NRXN3: variants seen among roughly 807,000 people sequenced by gnomAD.
NRXN3 encodes neurexin 3.
Under a neutral mutation model 137.6 loss-of-function variants are expected in NRXN3, and 32 were observed. The ratio of observed to expected loss-of-function variants is 0.23; its 90% confidence interval spans 0.18 to 0.31. The LOEUF is 0.31. Ranked by LOEUF, NRXN3 falls within the 10% of genes least tolerant of loss-of-function variation. The probability of loss-of-function intolerance (pLI) is 1.00; values close to 1 mark genes in which losing one functional copy is unlikely to be tolerated. For missense variants in NRXN3, 1,574 were observed against 2,062.5 expected (o/e 0.76, Z 4.59); for synonymous variants, 798 against 784.5 (o/e 1.02, Z -0.29).
intron 1 of NRXN3, among the ~76,000 whole-genome samples, chr14:78,190,105 T>C (rs952779727): frequency 4.6e-5 from 7 of 152,330 alleles, no homozygotes; most frequent in Admixed American, 3.3e-4. Context: ...GAGCACTCAG[T>C]GAACACCTGC....
intron 19 of NRXN3, among the ~76,000 whole-genome samples, chr14:79,714,208 A>G (rs1223411783): frequency 5.3e-5 from 8 of 152,218 alleles, no homozygotes; most frequent in Admixed American, 5.2e-4. Flanking sequence ...AGAACTTGCT[A>G]TCAGTACACA....
At chr14:79,814,134 T>C (rs10220395) in intron 20 of NRXN3, among the ~76,000 whole-genome samples, 2,154 of 152,340 alleles carry the variant, frequency 0.014, 39 homozygotes, top group African/African-American at 0.05. Flanking sequence ...TTTGTAGTTA[T>C]AATTTCATGG....
At chr14:79,433,807 C>T (rs544222388) in intron 15 of NRXN3, among the ~76,000 whole-genome samples, 7 of 152,246 alleles carry the variant, frequency 4.6e-5, no homozygotes, top group South Asian at 2.1e-4. Flanking sequence ...AACTTTATTC[C>T]GTGCAACACA....
At chr14:78,417,908 C>T (rs2093234827) in intron 4 of NRXN3, among the ~76,000 whole-genome samples, 1 of 152,176 alleles carries the variant, frequency 6.6e-6, no homozygotes, top group African/African-American at 2.4e-5. Context: ...AGGTGCATGC[C>T]ACCACGCCCA....
intron 7 of NRXN3, among the ~76,000 whole-genome samples, chr14:78,712,725 G>A (rs1389593247): frequency 6.6e-6 from 1 of 152,080 alleles, no homozygotes; most frequent in Non-Finnish European, 1.5e-5. Context: ...ACCACACCTG[G>A]CTAATTTTTG....
chr14:78,419,953 G>GCACA (rs111721809), intron 4 of NRXN3, among the ~76,000 whole-genome samples: 476 of 33,852 alleles, frequency 0.014, 3 homozygotes, highest in South Asian at 0.032. Flanking sequence ...GTGCGCGCGC[G>GCACA]CGCGCACGCA....
At chr14:79,728,496 CTTT>C (rs1451183531) in intron 19 of NRXN3, among the ~76,000 whole-genome samples, 1 of 152,192 alleles carries the variant, frequency 6.6e-6, no homozygotes, top group African/African-American at 2.4e-5. Context: ...CAGGGCAACC[CTTT>C]ATGCAAGCAG....
At position 79,692,279 on chromosome 14, in the gene NRXN3, C is replaced by T; in HGVS notation, c.3706+17C>T. On this transcript the variant is annotated intron_variant, in intron 18 of 20. Coordinates refer to ENST00000335750, the MANE Select transcript of NRXN3 (RefSeq NM_001330195.2). ...AGGAAAAAGGTAACCGTCATTAAAA[C>T]TTTCATTTTAAAATCATTTGATCCT... The T allele has an allele frequency of 6.4e-7, 1 of 1,567,766 alleles. No homozygotes were observed. The highest frequency in any genetic ancestry group is 1.8e-5 in the Admixed American group (1 of 56,778).
chr14:78,724,890 A>T (rs1273818226), intron 8 of NRXN3, among the ~76,000 whole-genome samples: 1 of 152,222 alleles, frequency 6.6e-6, no homozygotes, highest in Non-Finnish European at 1.5e-5. Flanking sequence ...TGACAAGTAC[A>T]TCTGGAACTT....
intron 4 of NRXN3, among the ~76,000 whole-genome samples, chr14:78,374,706 G>A (rs1259264672): frequency 6.7e-6 from 1 of 149,996 alleles, no homozygotes; most frequent in African/African-American, 2.5e-5. Context: ...GGAGCCGGAG[G>A]TAGCAGTGAG....
chr14:78,175,830 C>T (rs899552237), intron 1 of NRXN3, among the ~76,000 whole-genome samples: 2 of 152,316 alleles, frequency 1.3e-5, no homozygotes, highest in East Asian at 3.9e-4. Context: ...ACCCCAACCT[C>T]CTGGCTGCTT....
At chr14:78,383,593 A>T (rs925409416) in intron 4 of NRXN3, among the ~76,000 whole-genome samples, 1 of 152,238 alleles carries the variant, frequency 6.6e-6, no homozygotes, top group Non-Finnish European at 1.5e-5. Flanking sequence ...TAGGCATATC[A>T]TCTACTGTAC....
chr14:78,513,950 T>C (rs2096158574), intron 4 of NRXN3, among the ~76,000 whole-genome samples: 1 of 152,142 alleles, frequency 6.6e-6, no homozygotes, highest in African/African-American at 2.4e-5. Context: ...TTAAGGCATG[T>C]TGTGTTCTGG....
intron 8 of NRXN3, among the ~76,000 whole-genome samples, chr14:78,757,532 G>T (rs2098674626): frequency 6.6e-6 from 1 of 152,144 alleles, no homozygotes; most frequent in African/African-American, 2.4e-5. Context: ...TGTCTTCAAG[G>T]TATGGAGTCT....
At chr14:79,133,396 G>A (rs1421307319) in intron 15 of NRXN3, among the ~76,000 whole-genome samples, 1 of 152,014 alleles carries the variant, frequency 6.6e-6, no homozygotes, top group Non-Finnish European at 1.5e-5. Flanking sequence ...CGTAATTGGA[G>A]ACCAGATTCA....
At chr14:79,692,684 CAAAAAACAAACA>C (rs958368910) in intron 18 of NRXN3, among the ~76,000 whole-genome samples, 3 of 151,572 alleles carry the variant, frequency 2.0e-5, no homozygotes, top group East Asian at 1.9e-4. Flanking sequence ...CTTAACAAAA[CAAAAAACAAACA>C]AAAAAACAAA....
intron 4 of NRXN3, among the ~76,000 whole-genome samples, chr14:78,390,614 C>T (rs540258301): frequency 1.4e-4 from 22 of 152,208 alleles, no homozygotes; most frequent in African/African-American, 5.1e-4. Flanking sequence ...TTTATATTGC[C>T]GTATTGACAA....
chr14:78,978,546 A>AGT (rs2099477923), intron 14 of NRXN3, among the ~76,000 whole-genome samples: 3 of 151,856 alleles, frequency 2.0e-5, no homozygotes, highest in Non-Finnish European at 4.4e-5. Context: ...CAACACTGTA[A>AGT]ATTTAGAAAT....
At chr14:78,186,466 C>T (rs1261470696) in intron 1 of NRXN3, among the ~76,000 whole-genome samples, 1 of 152,184 alleles carries the variant, frequency 6.6e-6, no homozygotes, top group Non-Finnish European at 1.5e-5. Flanking sequence ...TTGATAGTTG[C>T]CTTTGCAACA....
Sources: gnomAD v4.1 joint callset for allele counts (sites outside exome capture counted in the v4.1 genomes callset) on GRCh38, gnomAD v4.1.1 for gene constraint, MANE v1.5 for transcripts, NCBI Gene and HGNC (gene_info 2026-07-23, HGNC 2026-07-21) for gene names.